PDE8A: variants seen among roughly 807,000 people sequenced by gnomAD.
PDE8A encodes phosphodiesterase 8A.
In PDE8A, 59 loss-of-function variants were observed where a neutral mutation model predicts 105.0. The observed-to-expected ratio is 0.56, with a 90% CI of 0.46 to 0.70. The LOEUF (loss-of-function observed/expected upper bound fraction) is 0.70, where lower values mean the gene tolerates loss of function less well. Ranked by LOEUF, PDE8A falls within the 30% of genes least tolerant of loss-of-function variation. The probability of loss-of-function intolerance (pLI) is 0.00; values close to 1 mark genes in which losing one functional copy is unlikely to be tolerated. For missense variants in PDE8A, 1,014 were observed against 1,045.9 expected (o/e 0.97, Z 0.42); for synonymous variants, 355 against 371.9 (o/e 0.95, Z 0.52).
Position 85,137,965 on chromosome 15 carries a change from C to A in PDE8A, c.*62C>A. Reference sequence around the variant, plus strand: ...TTCGGTCATTTGGAATTCCTGAGGGCAGCCAGAGCTCCTTGGTCCTTTCAG... The same window carrying A: ...TTCGGTCATTTGGAATTCCTGAGGGAAGCCAGAGCTCCTTGGTCCTTTCAG... On this transcript the variant is annotated 3_prime_UTR_variant, in exon 22 of 22. Coordinates refer to ENST00000394553, the MANE Select transcript of PDE8A (RefSeq NM_002605.3). 2 of 1,020,890 alleles carry A rather than the reference C, an allele frequency of 2.0e-6. No individual in the cohort carries two copies. The highest frequency in any genetic ancestry group is 3.1e-6 in the Non-Finnish European group (2 of 650,396). The allele number at this position is 1,020,890 out of a possible 1,614,324, so 63.2% of individuals were successfully genotyped here.
At chr15:85,074,113 G>A (rs1352773474) in intron 3 of PDE8A, among the ~76,000 whole-genome samples, 1 of 152,180 alleles carries the variant, frequency 6.6e-6, no homozygotes, top group Non-Finnish European at 1.5e-5. Context: ...AGACTGGCTG[G>A]TCGCTAGAGC....
chr15:85,015,117 T>G (rs995602612), intron 1 of PDE8A, among the ~76,000 whole-genome samples: 1 of 152,222 alleles, frequency 6.6e-6, no homozygotes, highest in Admixed American at 6.5e-5. Flanking sequence ...AGTTCCTCCT[T>G]CCTTTTTTAG....
chr15:85,080,562 T>C (rs1191658540), intron 5 of PDE8A, among the ~76,000 whole-genome samples: 2 of 152,220 alleles, frequency 1.3e-5, no homozygotes, highest in African/African-American at 2.4e-5. Context: ...TGTGTTTGTT[T>C]GAGGTCTCTT....
At chr15:85,095,094 G>A (rs775016581) in intron 8 of PDE8A, among the ~76,000 whole-genome samples, 5 of 152,150 alleles carry the variant, frequency 3.3e-5, no homozygotes, top group Non-Finnish European at 5.9e-5. Flanking sequence ...GGTGCCAAGA[G>A]GGACTGCATC....
chr15:85,099,232 C>G (rs1265363349), intron 9 of PDE8A, among the ~76,000 whole-genome samples: 1 of 152,212 alleles, frequency 6.6e-6, no homozygotes, highest in African/African-American at 2.4e-5. Flanking sequence ...CTCCACTTTA[C>G]AGATGAGGAA....
intron 11 of PDE8A, among the ~76,000 whole-genome samples, chr15:85,101,730 G>A (rs917793734): frequency 3.3e-5 from 5 of 152,196 alleles, no homozygotes; most frequent in African/African-American, 1.2e-4. Flanking sequence ...GAATAATAAG[G>A]TGATGACAGT....
chr15:85,036,179 A>G (rs949542946), intron 1 of PDE8A, among the ~76,000 whole-genome samples: 1 of 152,170 alleles, frequency 6.6e-6, no homozygotes, highest in Non-Finnish European at 1.5e-5. Context: ...CAGCCATCCA[A>G]ATTCCTCTGT....
intron 8 of PDE8A, among the ~76,000 whole-genome samples, chr15:85,095,875 T>TATA (rs200233444): frequency 0.05 from 7,260 of 145,626 alleles, 584 homozygotes; most frequent in African/African-American, 0.17. Flanking sequence ...TATATATATA[T>TATA]TTTTTTTATA....
chr15:84,992,974 A>T (rs2079909305), intron 1 of PDE8A, among the ~76,000 whole-genome samples: 1 of 152,218 alleles, frequency 6.6e-6, no homozygotes, highest in African/African-American at 2.4e-5. Flanking sequence ...GTGACCACTT[A>T]CAGAAACAGG....
chr15:85,013,835 G>T (rs558541739), intron 1 of PDE8A, among the ~76,000 whole-genome samples: 6 of 152,144 alleles, frequency 3.9e-5, no homozygotes, highest in Non-Finnish European at 8.8e-5. Context: ...TCACTTCCAA[G>T]GTGCTTCACT....
intron 1 of PDE8A, among the ~76,000 whole-genome samples, chr15:85,027,705 C>A (rs1198414459): frequency 6.6e-6 from 1 of 152,180 alleles, no homozygotes; most frequent in East Asian, 1.9e-4. Flanking sequence ...TTACACAATT[C>A]TGTGCTTTTA....
At chr15:85,124,213 C>G (rs79365261) in intron 19 of PDE8A, among the ~76,000 whole-genome samples, 1 of 152,190 alleles carries the variant, frequency 6.6e-6, no homozygotes, top group Non-Finnish European at 1.5e-5. Context: ...AGGAAGCATA[C>G]AGGCCCAAGT....
At chr15:85,028,626 G>A (rs1419856912) in intron 1 of PDE8A, among the ~76,000 whole-genome samples, 1 of 152,178 alleles carries the variant, frequency 6.6e-6, no homozygotes, top group Non-Finnish European at 1.5e-5. Flanking sequence ...TTCGCAATTT[G>A]ATAGAGAAAA....
At chr15:84,993,258 A>G (rs774575670) in intron 1 of PDE8A, among the ~76,000 whole-genome samples, 6 of 151,890 alleles carry the variant, frequency 4.0e-5, no homozygotes, top group African/African-American at 7.3e-5. Context: ...CCTGGCTAAC[A>G]CGGTGAAACC....
At chr15:85,101,354 G>C (rs2081859217) in intron 11 of PDE8A, among the ~76,000 whole-genome samples, 1 of 152,202 alleles carries the variant, frequency 6.6e-6, no homozygotes, top group South Asian at 2.1e-4. Flanking sequence ...TTCTAGACAG[G>C]GAGAGGTGGA....
chr15:85,111,518 G>T (rs2082020698), intron 12 of PDE8A, among the ~76,000 whole-genome samples: 1 of 152,176 alleles, frequency 6.6e-6, no homozygotes, highest in Non-Finnish European at 1.5e-5. Context: ...CTACGAATAT[G>T]TGATCTGTTC....
In PDE8A at chr15:85,128,148, A is replaced by T. The variant is rs1606119; in HGVS notation, c.2253+1774A>T. On this transcript the variant is annotated intron_variant, in intron 20 of 21. Coordinates refer to ENST00000394553, the MANE Select transcript of PDE8A (RefSeq NM_002605.3). ...CAACAGCTAAAACCATAAAGCTTTT[A>T]GAGAGAAACATACCAGAATATCCTC... 4.0e-5 allele frequency among the ~76,000 whole-genome samples: 6 copies of T among 151,668 alleles called. No individual in the cohort carries two copies. In the East Asian group the frequency reaches 5.8e-4, roughly 15 times the overall value.
At chr15:85,093,460 C>T (rs1016645296) in intron 8 of PDE8A, among the ~76,000 whole-genome samples, 3 of 152,158 alleles carry the variant, frequency 2.0e-5, no homozygotes, top group Non-Finnish European at 4.4e-5. Context: ...GGAATTCAGG[C>T]ATCTGCTGGA....
chr15:85,035,919 A>G (rs951634552), intron 1 of PDE8A, among the ~76,000 whole-genome samples: 1 of 152,250 alleles, frequency 6.6e-6, no homozygotes, highest in Non-Finnish European at 1.5e-5. Context: ...GTAACAGACA[A>G]TAATAGCACA....
Sources: gnomAD v4.1 joint callset for allele counts (sites outside exome capture counted in the v4.1 genomes callset) on GRCh38, gnomAD v4.1.1 for gene constraint, MANE v1.5 for transcripts, NCBI Gene and HGNC (gene_info 2026-07-23, HGNC 2026-07-21) for gene names.